The following CRTAC1 variants were observed in gnomAD, a reference collection of about 807,000 sequenced individuals.
CRTAC1 encodes acidic secreted protein in cartilage.
CRTAC1 carries 37 observed loss-of-function variants against 67.8 expected under a neutral mutation model. The observed-to-expected ratio is 0.55, with a 90% CI of 0.42 to 0.72. The LOEUF (loss-of-function observed/expected upper bound fraction) is 0.72. Among genes scored for constraint, CRTAC1 ranks in the 30% least tolerant of loss-of-function variants. CRTAC1 has a pLI of 0.00. For missense variants in CRTAC1, 780 were observed against 931.6 expected (o/e 0.84, Z 2.12); for synonymous variants, 348 against 371.0 (o/e 0.94, Z 0.71).
At chr10:97,979,405 A>G (rs912469053) in intron 2 of CRTAC1, among the ~76,000 whole-genome samples, 1 of 152,196 alleles carries the variant, frequency 6.6e-6, no homozygotes, top group African/African-American at 2.4e-5. Flanking sequence ...TCTTTGCCCA[A>G]GCTCTGGTCT....
rs562201276 is a variant in CRTAC1 at position 97,926,097 on chromosome 10, C to T, written c.422-2697G>A. On this transcript the variant is annotated intron_variant, in intron 3 of 14. Transcript: ENST00000370597. ...ACCCAGGGAGGAGGAAAAGTCCCTT[C>T]CGCTGAGTGGAGGCAGACCCAGGAG... Among the ~76,000 whole-genome samples the T allele has an allele frequency of 4.6e-5, 7 of 152,300 alleles. 1 individual carries two copies. The South Asian group carries it at 1.5e-3, about 32-fold the overall frequency.
At chr10:98,016,742 C>A (rs1010401713) in intron 1 of CRTAC1, among the ~76,000 whole-genome samples, 10 of 152,168 alleles carry the variant, frequency 6.6e-5, no homozygotes, top group Non-Finnish European at 1.3e-4. Context: ...GGCTGAGAAC[C>A]ACTGCCCCAG....
intron 3 of CRTAC1, among the ~76,000 whole-genome samples, chr10:97,933,952 C>G (rs543940529): frequency 2.6e-5 from 4 of 152,254 alleles, no homozygotes; most frequent in Admixed American, 2.6e-4. Flanking sequence ...CCCAGGTGAC[C>G]CTAATGTGCA....
In CRTAC1 at chr10:97,886,099, T is replaced by C. The variant is rs566557885; in HGVS notation, c.1487-1748A>G. 3.9e-5 allele frequency among the ~76,000 whole-genome samples: 6 copies of C among 152,300 alleles called. No individual in the cohort carries two copies. The South Asian group carries it at 1.0e-3, about 26-fold the overall frequency. On this transcript the variant is annotated intron_variant, in intron 11 of 14. Transcript: ENST00000370597. ...CCACATGCAGACTTGGAGGAGAATC[T>C]CTGTGTAGACTTCCTGTAGAGACCA...
intron 11 of CRTAC1, among the ~76,000 whole-genome samples, chr10:97,886,649 C>CTTTTTTTT: frequency 7.0e-6 from 1 of 141,880 alleles, no homozygotes; most frequent in Non-Finnish European, 1.5e-5. Context: ...TTTCTTTTTT[C>CTTTTTTTT]TTTTTTTTTT....
intron 2 of CRTAC1, among the ~76,000 whole-genome samples, chr10:97,973,179 A>G (rs2051742503): frequency 1.3e-5 from 2 of 152,204 alleles, no homozygotes; most frequent in African/African-American, 4.8e-5. Flanking sequence ...AGAATCAGAA[A>G]AAAAAAGTAA....
At chr10:97,982,534 A>G (rs1029087643) in intron 2 of CRTAC1, among the ~76,000 whole-genome samples, 2 of 152,186 alleles carry the variant, frequency 1.3e-5, no homozygotes, top group Non-Finnish European at 2.9e-5. Context: ...ATCTTCACAC[A>G]ACTGTCAACA....
At chr10:98,010,310 G>T (rs1842880616) in intron 2 of CRTAC1, among the ~76,000 whole-genome samples, 1 of 152,134 alleles carries the variant, frequency 6.6e-6, no homozygotes, top group Admixed American at 6.5e-5. Flanking sequence ...AAAGTGCTGG[G>T]ATTACAGGCG....
chr10:97,946,718 T>TTTG (rs2051270534), intron 2 of CRTAC1, among the ~76,000 whole-genome samples: 1 of 152,208 alleles, frequency 6.6e-6, no homozygotes, highest in Non-Finnish European at 1.5e-5. Context: ...TACCAGGGCC[T>TTTG]CCTGATGGAA....
chr10:97,991,382 C>A (rs1308388393), intron 2 of CRTAC1, among the ~76,000 whole-genome samples: 2 of 151,436 alleles, frequency 1.3e-5, no homozygotes. Flanking sequence ...CACTGCACTC[C>A]AGCCTGGGTG....
intron 2 of CRTAC1, among the ~76,000 whole-genome samples, chr10:97,993,098 A>T (rs1842491177): frequency 6.6e-6 from 1 of 152,220 alleles, no homozygotes; most frequent in Non-Finnish European, 1.5e-5. Flanking sequence ...ACAACTGGTT[A>T]GTGGTGCATT....
chr10:97,985,072 G>T (rs1024537340), intron 2 of CRTAC1, among the ~76,000 whole-genome samples: 7 of 152,208 alleles, frequency 4.6e-5, no homozygotes, highest in Non-Finnish European at 7.3e-5. Flanking sequence ...AACTTCCAGG[G>T]ATTGTTTCGG....
chr10:97,954,069 A>T (rs917683256), intron 2 of CRTAC1, among the ~76,000 whole-genome samples: 2 of 152,152 alleles, frequency 1.3e-5, no homozygotes, highest in Non-Finnish European at 2.9e-5. Context: ...TGGGAGAAAC[A>T]TCTTTGCAGC....
intron 14 of CRTAC1, chr10:97,878,478 A>G: frequency 1.6e-6 from 1 of 617,594 alleles, no homozygotes; most frequent in Non-Finnish European, 2.2e-6. Context: ...TGTTTTTAAA[A>G]GGGTTGCTGC....
intron 2 of CRTAC1, among the ~76,000 whole-genome samples, chr10:97,943,005 G>A (rs114498093): frequency 3.9e-5 from 6 of 152,096 alleles, no homozygotes; most frequent in Non-Finnish European, 7.4e-5. Flanking sequence ...ACAGGATGTC[G>A]AGACTGTGGT....
At chr10:97,965,466 C>T (rs184445459) in intron 2 of CRTAC1, among the ~76,000 whole-genome samples, 2 of 152,314 alleles carry the variant, frequency 1.3e-5, no homozygotes, top group East Asian at 1.9e-4. Flanking sequence ...TCTTTTGTAG[C>T]TGCCAGATGT....
intron 2 of CRTAC1, among the ~76,000 whole-genome samples, chr10:97,953,324 T>C (rs1417899809): frequency 6.6e-6 from 1 of 152,150 alleles, no homozygotes; most frequent in Non-Finnish European, 1.5e-5. Context: ...ACATGCACCA[T>C]AACACTCTCT....
In CRTAC1 at chr10:97,879,918, C is replaced by T. The variant is rs941681878; in HGVS notation, c.1819+331G>A. 4.5e-5 allele frequency: 43 copies of T among 963,886 alleles called. No individual in the cohort carries two copies. In the South Asian group the frequency reaches 7.1e-4, roughly 16 times the overall value. 59.7% of individuals were successfully genotyped at this position (963,886 alleles called of 1,614,324 possible). ...AGAAATTACCAGTTTAGAAATTCAG[C>T]CAAAGATGAGTAGTAGGAGTTAGTT... On this transcript the variant is annotated intron_variant, in intron 14 of 14. Coordinates refer to ENST00000370597, the MANE Select transcript of CRTAC1 (RefSeq NM_018058.7).
intron 2 of CRTAC1, among the ~76,000 whole-genome samples, chr10:97,996,387 GA>G (rs1349378652): frequency 6.6e-6 from 1 of 150,782 alleles, no homozygotes; most frequent in South Asian, 2.1e-4. Context: ...AAATTTACAA[GA>G]AAAAAACAAA....
Sources: gnomAD v4.1 joint callset for allele counts (sites outside exome capture counted in the v4.1 genomes callset) on GRCh38, gnomAD v4.1.1 for gene constraint, MANE v1.5 for transcripts, NCBI Gene and HGNC (gene_info 2026-07-23, HGNC 2026-07-21) for gene names.